The following TTLL5 variants were observed in gnomAD, a reference collection of about 807,000 sequenced individuals.
TTLL5 encodes tubulin polyglutamylase TTLL5.
TTLL5 carries 132 observed loss-of-function variants against 168.4 expected under a neutral mutation model. The ratio of observed to expected loss-of-function variants is 0.78; its 90% CI spans 0.68 to 0.91. The LOEUF (loss-of-function observed/expected upper bound fraction) is 0.91. Among genes scored for constraint, TTLL5 ranks in the 40% least tolerant of loss-of-function variants. The pLI is 0.00. For missense variants in TTLL5, 1,545 were observed against 1,581.5 expected, an observed-to-expected ratio of 0.98 and a Z score of 0.39; for synonymous variants, 546 against 558.6, an observed-to-expected ratio of 0.98 and a Z score of 0.32.
At chr14:75,863,519 G>A in intron 28 of TTLL5, 148 bp from the exon 29 acceptor site, 1 of 702,854 alleles carries the variant, frequency 1.4e-6, no homozygotes, top group Non-Finnish European at 2.3e-6. Flanking sequence ...GTTTAGTGGG[G>A]GAGTGAGATA....
intron 18 of TTLL5, among the ~76,000 whole-genome samples, chr14:75,755,986 G>GC (rs1398180247): frequency 1.4e-3 from 73 of 52,800 alleles, no homozygotes; most frequent in Non-Finnish European, 2.3e-3. Context: ...CCCCCCCACC[G>GC]CCCCCCACCC....
intron 3 of TTLL5, among the ~76,000 whole-genome samples, chr14:75,678,161 A>G (rs999309011): frequency 6.6e-6 from 1 of 152,178 alleles, no homozygotes; most frequent in Non-Finnish European, 1.5e-5. Context: ...AAAGGACCAG[A>G]TATTTTTTCA....
chr14:75,777,333 GGAGTAGAAAT>G (rs1235449352), intron 23 of TTLL5, among the ~76,000 whole-genome samples: 1 of 152,152 alleles, frequency 6.6e-6, no homozygotes, highest in Non-Finnish European at 1.5e-5. Flanking sequence ...ACCTACTCAT[GGAGTAGAAAT>G]GACCACATTT....
At chr14:75,746,775 G>A (rs1435515004) in intron 17 of TTLL5, among the ~76,000 whole-genome samples, 3 of 152,200 alleles carry the variant, frequency 2.0e-5, no homozygotes, top group African/African-American at 7.2e-5. Context: ...TGTTGCCCAA[G>A]CTGATCTTGA....
In TTLL5 at chr14:75,669,439, C is replaced by G; in HGVS notation, c.98C>G (p.Thr33Ser). 6.2e-7 allele frequency: 1 copy of G among 1,614,080 alleles called. No individual in the cohort carries two copies. The highest frequency in any genetic ancestry group is 8.5e-7 in the Non-Finnish European group (1 of 1,179,924). ...SQEDHPCIMW[T>S]GGCRRIPVLV... is the part of the protein sequence containing the mutation. ...AGGGATCATCCATGCATCATGTGGA[C>G]TGGAGGCTGCAGGAGAATTCCAGTT... The change falls in exon 3 of 32, where the codon ACT (threonine) becomes AGT (serine). Residue 33 changes from threonine to serine, a missense_variant. Physicochemically the swap from Thr to Ser is moderately conservative, Grantham distance 58. Transcript: ENST00000298832.
chr14:75,757,049 C>T (rs1890311654), intron 18 of TTLL5, among the ~76,000 whole-genome samples: 1 of 151,816 alleles, frequency 6.6e-6, no homozygotes, highest in African/African-American at 2.4e-5. Flanking sequence ...ATGATCTTGG[C>T]TCACTGCAAC....
intron 15 of TTLL5, among the ~76,000 whole-genome samples, chr14:75,740,384 G>A (rs909449544): frequency 3.3e-5 from 5 of 151,988 alleles, no homozygotes; most frequent in Admixed American, 1.3e-4. Flanking sequence ...TAACCACCAG[G>A]AGCATACTTC....
At position 75,742,615 on chromosome 14, in the gene TTLL5, C is replaced by T. The variant is rs533190670; in HGVS notation, c.1282-2480C>T. Among the ~76,000 whole-genome samples, 4 of 152,220 alleles carry T rather than the reference C, an allele frequency of 2.6e-5. No homozygotes were observed. In the East Asian group the frequency reaches 5.8e-4, roughly 22 times the overall value. On this transcript the variant is annotated intron_variant, in intron 15 of 31. Transcript: ENST00000298832. ...TCACCATGTTGGCCATGGTTGGTCT[C>T]GAACTCCTGACCTCAGGTGATCCAC...
At chr14:75,904,083 G>A in intron 31 of TTLL5, 1 of 1,227,126 alleles carries the variant, frequency 8.1e-7, no homozygotes, top group South Asian at 1.4e-5. Flanking sequence ...TCATGCCCCA[G>A]TTCCCAGCCA....
At chr14:75,953,525 A>T (rs28645658) in intron 31 of TTLL5, among the ~76,000 whole-genome samples, 1 of 152,186 alleles carries the variant, frequency 6.6e-6, no homozygotes, top group African/African-American at 2.4e-5. Context: ...CTGTTTTTTT[A>T]AAAGCAAACA....
At chr14:75,683,843 G>A (rs978736205) in intron 5 of TTLL5, 187 bp downstream of exon 5, 13 of 440,568 alleles carry the variant, frequency 3.0e-5, no homozygotes, top group South Asian at 4.3e-5. Flanking sequence ...GCATGATCTT[G>A]GCTCACTGCA....
At chr14:75,719,895 G>T in intron 11 of TTLL5, 69 bp downstream of exon 11, 2 of 1,490,856 alleles carry the variant, frequency 1.3e-6, no homozygotes, top group South Asian at 1.1e-5. Context: ...CTCTTGCCAG[G>T]AATCATTCTC....
chr14:75,727,808 G>A (rs550134949), intron 12 of TTLL5: 390 of 497,198 alleles, frequency 7.8e-4, no homozygotes, highest in Non-Finnish European at 1.3e-3. Context: ...TCTAGAATAA[G>A]CAAAACTAAT....
intron 31 of TTLL5, among the ~76,000 whole-genome samples, chr14:75,908,161 T>C (rs1405483086): frequency 2.6e-5 from 4 of 152,160 alleles, no homozygotes; most frequent in Admixed American, 6.5e-5. Flanking sequence ...TGCTGTGCTT[T>C]GTGATTAGCT....
Position 75,834,258 on chromosome 14 carries a change from G to A in TTLL5, c.3326+14097G>A, listed in dbSNP as rs1895752678. The stretch of plus-strand genomic sequence containing the variant: ...TGCAAAGGCAGGGAGGTATGGAAGA[G>A]CATACCTGAAGTGCAGTGTTGTGGG... On this transcript the variant is annotated intron_variant, in intron 28 of 31. Coordinates refer to ENST00000298832, the MANE Select transcript of TTLL5 (RefSeq NM_015072.5). 2.0e-5 allele frequency among the ~76,000 whole-genome samples: 3 copies of A among 152,282 alleles called. 1 individual carries two copies. In the South Asian group the frequency reaches 6.2e-4, roughly 32 times the overall value.
intron 31 of TTLL5, among the ~76,000 whole-genome samples, chr14:75,940,077 CTTTTT>C (rs5809741): frequency 1.3e-5 from 1 of 78,818 alleles, no homozygotes. Flanking sequence ...GAAATTAAAT[CTTTTT>C]TTTTTTTTTT....
chr14:75,826,295 G>GCACACACACACACACA (rs1595106850), intron 28 of TTLL5, among the ~76,000 whole-genome samples: 2 of 94,956 alleles, frequency 2.1e-5, no homozygotes, highest in Admixed American at 9.8e-5. Context: ...TAGGATACGC[G>GCACACACACACACACA]TACACACACA....
chr14:75,816,592 AC>A (rs1894417973), intron 27 of TTLL5, among the ~76,000 whole-genome samples: 1 of 152,234 alleles, frequency 6.6e-6, no homozygotes. Context: ...TATCATTTAT[AC>A]TAAACATGGT....
intron 10 of TTLL5, 124 bp from the exon 11 acceptor site, chr14:75,719,611 G>A (rs1887715144): frequency 5.7e-6 from 4 of 706,194 alleles, no homozygotes; most frequent in Non-Finnish European, 8.8e-6. Context: ...TGAGTAACTG[G>A]AAGTCAGCAA....
Sources: allele counts gnomAD v4.1 joint callset (sites outside exome capture counted in the v4.1 genomes callset), GRCh38; gene constraint gnomAD v4.1.1; transcripts MANE v1.5; gene names NCBI Gene and HGNC (gene_info 2026-07-23, HGNC 2026-07-21).